Variants in RNF213 observed in about 807,000 individuals in gnomAD.
The protein encoded by RNF213 is E3 ubiquitin-protein ligase RNF213.
A neutral mutation model predicts 514.4 loss-of-function variants in RNF213; 341 were observed. The ratio of observed to expected loss-of-function variants is 0.66; its 90% confidence interval spans 0.61 to 0.73. The LOEUF (loss-of-function observed/expected upper bound fraction) is 0.73. RNF213 is among the 30% of genes least tolerant of loss of function. RNF213 has a pLI of 0.00. For missense variants in RNF213, 5,767 were observed against 6,615.6 expected (o/e 0.87, Z 4.45); for synonymous variants, 2,655 against 2,658.2 (o/e 1.00, Z 0.04).
chr17:80,388,873 A>G (rs539017766), intron 64 of RNF213, 184 bp downstream of exon 64: 1 of 655,848 alleles, frequency 1.5e-6, no homozygotes, highest in East Asian at 2.7e-5. Flanking sequence ...GTAAAAGCAG[A>G]TTGACATCTT....
chr17:80,391,842 C>T lies in RNF213; in HGVS notation c.15471-1503C>T, dbSNP rs1003958925. Among the ~76,000 whole-genome samples the T allele has an allele frequency of 3.1e-5, 4 of 130,488 alleles. No homozygotes were observed. In the East Asian group the frequency reaches 7.7e-4, roughly 25 times the overall value. The allele number at this position is 130,488 out of a possible 152,430, so 85.6% of individuals were successfully genotyped here. A position where few individuals can be genotyped will look rare whatever the true frequency, so the allele number is the denominator to read the frequency against. ...CTAGAGTGCAATGGTGTCATCTTAG[C>T]TCACTGCAACCTCTGCCTCCTGGGT... On this transcript the variant is annotated intron_variant, in intron 67 of 67. Coordinates refer to ENST00000582970, the MANE Select transcript of RNF213 (RefSeq NM_001256071.3).
intron 44 of RNF213, among the ~76,000 whole-genome samples, 199 bp from the exon 45 acceptor site, chr17:80,369,303 C>A (rs556030841): frequency 2.2e-4 from 33 of 151,316 alleles, no homozygotes; most frequent in Non-Finnish European, 4.0e-4. Flanking sequence ...GAGGCTGAGG[C>A]AGGAGGATCA....
chr17:80,282,755 G>A (rs2044344494), intron 3 of RNF213, among the ~76,000 whole-genome samples: 1 of 151,748 alleles, frequency 6.6e-6, no homozygotes. Flanking sequence ...GGAGTGCAGT[G>A]GTGCAATCTT....
chr17:80,288,616 T>C lies in RNF213; in HGVS notation c.811-17T>C. 1 of 1,613,986 alleles carries C rather than the reference T, an allele frequency of 6.2e-7. No homozygotes were observed. The highest frequency in any genetic ancestry group is 2.2e-5 in the East Asian group (1 of 44,868). On this transcript the variant is annotated splice_polypyrimidine_tract_variant and intron_variant, in intron 4 of 67. Coordinates refer to ENST00000582970, the MANE Select transcript of RNF213 (RefSeq NM_001256071.3). This position sits in a 1 kb window ranked among gnomAD's most constrained non-coding sequence, Gnocchi z 4.9. Reference sequence around the variant, plus strand: ...GCCCATTTTGTCACCTTGGCTCTGGTGTTTGGGGTCTTTCAGGCAGTTGAT... The same window carrying C: ...GCCCATTTTGTCACCTTGGCTCTGGCGTTTGGGGTCTTTCAGGCAGTTGAT...
intron 23 of RNF213, chr17:80,337,366 T>C: frequency 1.8e-6 from 1 of 560,064 alleles, no homozygotes; most frequent in Non-Finnish European, 3.1e-6. Flanking sequence ...GGAGGAAACG[T>C]GGAACAGCGA....
At chr17:80,318,306 A>T (rs1313697552) in intron 16 of RNF213, among the ~76,000 whole-genome samples, 1 of 152,180 alleles carries the variant, frequency 6.6e-6, no homozygotes, top group African/African-American at 2.4e-5. Flanking sequence ...ACTTTGGGCC[A>T]TGGGTTTCAG....
intron 15 of RNF213, 21 bp downstream of exon 15, chr17:80,313,188 T>C: frequency 6.2e-7 from 1 of 1,613,920 alleles, no homozygotes; most frequent in Non-Finnish European, 8.5e-7. Flanking sequence ...GGCCGAAGGC[T>C]TCTGGGTAGG....
intron 2 of RNF213, 47 bp from the exon 3 acceptor site, chr17:80,273,194 A>G (rs1598890222): frequency 5.0e-6 from 8 of 1,610,238 alleles, no homozygotes; most frequent in Non-Finnish European, 6.8e-6. Context: ...CCTTCCTAAC[A>G]CTCGCTTCTC....
At chr17:80,341,110 T>C (rs1394775706) in intron 26 of RNF213, 4 of 152,230 alleles carry the variant, frequency 2.6e-5, no homozygotes, top group Non-Finnish European at 5.9e-5. Flanking sequence ...GCCTAATTTT[T>C]GTATTTTTAG....
chr17:80,318,354 G>A lies in RNF213; in HGVS notation c.2902-836G>A, dbSNP rs568490753. ...GAAGGTGGGGTTTTGCCAGGGACCC[G>A]CCCCTGTCTGCGTAGGATTTCTCTG... On this transcript the variant is annotated intron_variant, in intron 16 of 67. Coordinates refer to ENST00000582970, the MANE Select transcript of RNF213 (RefSeq NM_001256071.3). 1.0e-3 allele frequency among the ~76,000 whole-genome samples: 157 copies of A among 152,158 alleles called. 1 individual carries two copies. The highest frequency in any genetic ancestry group is 3.6e-3 in the African/African-American group (150 of 41,500).
In RNF213 at chr17:80,385,185, C is replaced by G; in HGVS notation, c.14455+14C>G. The G allele has an allele frequency of 6.2e-7, 1 of 1,614,098 alleles. No individual in the cohort carries two copies. Among genetic ancestry groups the G allele is most frequent in the Non-Finnish European group, 8.5e-7 (1 of 1,179,966 alleles). ...AGCACAGCTCAGGTGTGGCTCTGCT[C>G]TGACAGGACCAGGACTGTCCCGCAT... On this transcript the variant is annotated intron_variant, in intron 60 of 67. Coordinates refer to ENST00000582970, the MANE Select transcript of RNF213 (RefSeq NM_001256071.3).
chr17:80,276,607 A>G (rs181999895), intron 3 of RNF213, among the ~76,000 whole-genome samples: 3 of 148,020 alleles, frequency 2.0e-5, no homozygotes, highest in African/African-American at 7.8e-5. Context: ...ATCCTTCCTC[A>G]AAGAGAGAGA....
rs748382874 is a variant in RNF213 at position 80,337,966 on chromosome 17, G to A, written c.4802G>A (p.Arg1601His). 32 of 1,537,188 alleles carry A rather than the reference G, an allele frequency of 2.1e-5. No individual in the cohort carries two copies. The highest frequency in any genetic ancestry group is 3.9e-5 in the Admixed American group (2 of 50,976). The change falls in exon 25 of 68, where the codon CGT becomes CAT. Residue 1601 changes from arginine to histidine, a missense_variant. Arg to His is a conservative substitution (Grantham distance 29). Around this residue, in one of 13 missense-constraint regions of RNF213, gnomAD observed 1,377 missense variants for 1,635.2 expected, o/e 0.84. Transcript: ENST00000582970. Reference sequence around the variant, plus strand: ...ATGCTGATGTCTGGCAAGAAGGATCGTAACAACACGGAAGTGGAGAGGTTT... The same window carrying A: ...ATGCTGATGTCTGGCAAGAAGGATCATAACAACACGGAAGTGGAGAGGTTT... Reference protein sequence around the residue: ...KLMLMSGKKDRNNTEVERFSE... With the variant: ...KLMLMSGKKDHNNTEVERFSE...
chr17:80,322,692 G>A (rs2046179140), intron 17 of RNF213, among the ~76,000 whole-genome samples: 1 of 152,170 alleles, frequency 6.6e-6, no homozygotes, highest in Non-Finnish European at 1.5e-5. Context: ...TGGGATTGAA[G>A]GCATGAGCCA....
rs1481818677 is a variant in RNF213, at chr17:80,264,478, C to T, written c.97+700C>T. Reference sequence around the variant, plus strand: ...GGCCTCAGACTGGTTCCCCTCCTCCCGGGTTTTAAACACCAACCCTAAAAC... The same window carrying T: ...GGCCTCAGACTGGTTCCCCTCCTCCTGGGTTTTAAACACCAACCCTAAAAC... On this transcript the variant is annotated intron_variant, in intron 2 of 67. Coordinates refer to ENST00000582970, the MANE Select transcript of RNF213 (RefSeq NM_001256071.3). The surrounding 1 kb of genome is among the most constrained non-coding windows in gnomAD (Gnocchi z 5.0). Among the ~76,000 whole-genome samples, 3 of 152,098 alleles carry T rather than the reference C, an allele frequency of 2.0e-5. No homozygotes were observed. Among genetic ancestry groups the T allele is most frequent in the African/African-American group, 7.2e-5 (3 of 41,392 alleles).
At chr17:80,273,613 CTTTTTTTTTTT>C (rs56957242) in intron 3 of RNF213, among the ~76,000 whole-genome samples, 3 of 97,588 alleles carry the variant, frequency 3.1e-5, no homozygotes, top group Admixed American at 1.1e-4. Context: ...CCTCCACCGT[CTTTTTTTTTTT>C]TTTTTTTTTT....
Position 80,377,544 on chromosome 17 carries a change from AAATT to A in RNF213, c.13511-214_13511-211del. ...TATTCTAATTGCTCTTTACTTGATA[AAATT>A]AATAAAATTAGACTCAGACATTTTT... On this transcript the variant is annotated intron_variant, in intron 53 of 67. Transcript: ENST00000582970. This position sits in a 1 kb window ranked among gnomAD's most constrained non-coding sequence, Gnocchi z 4.1. The A allele has an allele frequency of 1.6e-6, 1 of 631,912 alleles. No homozygotes were observed. The highest frequency in any genetic ancestry group is 2.3e-5 in the Admixed American group (1 of 42,836). The allele number at this position is 631,912 out of a possible 1,614,324, so 39.1% of individuals were successfully genotyped here. A position where few individuals can be genotyped will look rare whatever the true frequency, so the allele number is the denominator to read the frequency against.
intron 3 of RNF213, among the ~76,000 whole-genome samples, chr17:80,274,291 A>G (rs1377744247): frequency 6.6e-6 from 1 of 151,758 alleles, no homozygotes; most frequent in Non-Finnish European, 1.5e-5. Context: ...GTTAGACACC[A>G]AGAGAATGCG....
Position 80,337,992 on chromosome 17 carries a change from T to C in RNF213, c.4828T>C (p.Ser1610Pro). ...DRNNTEVERF[S>P]EVFCSVQRLS... Reference sequence around the variant, plus strand: ...TAACAACACGGAAGTGGAGAGGTTTTCAGAGGTGAGGGCGCATCTTTGCAG... The same window carrying C: ...TAACAACACGGAAGTGGAGAGGTTTCCAGAGGTGAGGGCGCATCTTTGCAG... Residue 1610 changes from serine to proline, a missense_variant, in exon 25 of 68, where the codon TCA becomes CCA. Coordinates refer to ENST00000582970, the MANE Select transcript of RNF213 (RefSeq NM_001256071.3). 1 of 1,537,304 alleles carries C rather than the reference T, an allele frequency of 6.5e-7. No homozygotes were observed. The highest frequency in any genetic ancestry group is 2.4e-5 in the East Asian group (1 of 40,912).
Sources: gnomAD v4.1 joint callset for allele counts (sites outside exome capture counted in the v4.1 genomes callset) on GRCh38, gnomAD v4.1.1 for gene constraint, gnomAD v4.1.1 regional missense constraint, Gnocchi (gnomAD v3.1) non-coding constraint, MANE v1.5 for transcripts, NCBI Gene and HGNC (gene_info 2026-07-23, HGNC 2026-07-21) for gene names.